Variants in PEX5L observed in about 807,000 individuals in gnomAD.
The protein encoded by PEX5L is PEX5-related protein.
A neutral mutation model predicts 84.0 loss-of-function variants in PEX5L; 30 were observed. The ratio of observed to expected loss-of-function variants is 0.36; its 90% CI spans 0.27 to 0.48. PEX5L has a LOEUF of 0.48. Among genes scored for constraint, PEX5L ranks in the 20% least tolerant of loss-of-function variants. The pLI is 0.99. For missense variants in PEX5L, 533 were observed against 754.6 expected (o/e 0.71, Z 3.44); for synonymous variants, 270 against 283.1 (o/e 0.95, Z 0.46).
intron 2 of PEX5L, among the ~76,000 whole-genome samples, chr3:179,915,768 T>C (rs1200967410): frequency 6.6e-6 from 1 of 152,204 alleles, no homozygotes; most frequent in East Asian, 1.9e-4. Context: ...ACTTCTTTAT[T>C]TGGTGTGTGA....
chr3:179,830,352 G>C (rs1197055723), intron 8 of PEX5L, among the ~76,000 whole-genome samples: 1 of 137,418 alleles, frequency 7.3e-6, no homozygotes, highest in Non-Finnish European at 1.5e-5. Flanking sequence ...GACAAAGTCT[G>C]GATCTGGCTT....
intron 8 of PEX5L, among the ~76,000 whole-genome samples, chr3:179,829,926 G>A (rs139760460): frequency 0.04 from 5,844 of 146,134 alleles, 421 homozygotes; most frequent in African/African-American, 0.14. Flanking sequence ...ACAGGAGCCT[G>A]CCACCAGGCC....
intron 5 of PEX5L, among the ~76,000 whole-genome samples, chr3:179,879,278 T>TAGA (rs1753433312): frequency 1.3e-5 from 2 of 152,154 alleles, no homozygotes; most frequent in Non-Finnish European, 1.5e-5. Context: ...TCAGAGGAGG[T>TAGA]AGAATACAGT....
intron 8 of PEX5L, among the ~76,000 whole-genome samples, chr3:179,856,767 C>A (rs563576034): frequency 6.6e-6 from 1 of 152,204 alleles, no homozygotes; most frequent in Non-Finnish European, 1.5e-5. Context: ...GGGAGGCTTC[C>A]CAGTACCAGG....
At chr3:179,811,367 A>G (rs751081211) in intron 11 of PEX5L, among the ~76,000 whole-genome samples, 1 of 152,176 alleles carries the variant, frequency 6.6e-6, no homozygotes, top group Non-Finnish European at 1.5e-5. Context: ...GGGTTTAAAT[A>G]GGAGCTCTAG....
intron 14 of PEX5L, among the ~76,000 whole-genome samples, chr3:179,807,435 G>C (rs1381762319): frequency 6.6e-6 from 1 of 152,164 alleles, no homozygotes; most frequent in Non-Finnish European, 1.5e-5. Flanking sequence ...CCAGGAATTG[G>C]GAATCTGCAT....
chr3:179,971,797 G>A (rs918348697), intron 1 of PEX5L, 132 bp from the exon 2 acceptor site: 1 of 884,388 alleles, frequency 1.1e-6, no homozygotes, highest in Admixed American at 3.8e-5. Flanking sequence ...TATATAAATT[G>A]CTCATGTACA....
chr3:180,001,707 C>T (rs970997560), intron 1 of PEX5L, among the ~76,000 whole-genome samples: 4 of 152,104 alleles, frequency 2.6e-5, no homozygotes, highest in African/African-American at 9.7e-5. Flanking sequence ...GTTTTATACA[C>T]ATATGCAACT....
At chr3:180,003,396 A>AAAAAAAG (rs1364698072) in intron 1 of PEX5L, among the ~76,000 whole-genome samples, 1 of 152,096 alleles carries the variant, frequency 6.6e-6, no homozygotes, top group East Asian at 1.9e-4. Flanking sequence ...AAAAAAAGAA[A>AAAAAAAG]AAAAAAGAAA....
In PEX5L at chr3:179,875,680, C is replaced by T. The variant is rs558620203; in HGVS notation, c.506-203G>A. Among the ~76,000 whole-genome samples the T allele has an allele frequency of 3.9e-5, 6 of 152,262 alleles. No individual in the cohort carries two copies. In the East Asian group the frequency reaches 1.2e-3, roughly 29 times the overall value. On this transcript the variant is annotated intron_variant, in intron 5 of 14. Transcript: ENST00000467460. The stretch of plus-strand genomic sequence containing the variant: ...ACCTTTATCTTTCCAATGTTGCATA[C>T]AAATTAAAACTTGTGCAGCTAAATA...
intron 14 of PEX5L, 137 bp downstream of exon 14, chr3:179,807,537 G>T: frequency 1.3e-6 from 1 of 749,718 alleles, no homozygotes; most frequent in Non-Finnish European, 2.2e-6. Context: ...GGATCTGAAG[G>T]CTCCACATTC....
At chr3:179,875,068 G>A (rs1022951303) in intron 6 of PEX5L, among the ~76,000 whole-genome samples, 5 of 151,834 alleles carry the variant, frequency 3.3e-5, no homozygotes, top group Admixed American at 1.3e-4. Context: ...GTATATACAC[G>A]TATACACCTA....
chr3:179,951,029 T>C (rs1401090588), intron 2 of PEX5L, among the ~76,000 whole-genome samples: 1 of 152,238 alleles, frequency 6.6e-6, no homozygotes, highest in Non-Finnish European at 1.5e-5. Context: ...ATGCATAGTC[T>C]GTTCTCTTTT....
At chr3:179,939,878 G>A (rs1285823373) in intron 2 of PEX5L, among the ~76,000 whole-genome samples, 10 of 152,078 alleles carry the variant, frequency 6.6e-5, no homozygotes, top group African/African-American at 1.9e-4. Context: ...AGGAAAGCCA[G>A]AGAAAAAATG....
intron 8 of PEX5L, among the ~76,000 whole-genome samples, chr3:179,829,254 T>C (rs186532932): frequency 1.3e-5 from 2 of 152,368 alleles, no homozygotes; most frequent in East Asian, 1.9e-4. Flanking sequence ...TGCCATACTA[T>C]AGTTGTTTTC....
In PEX5L at chr3:179,819,895, C is replaced by T. The variant is rs1486408321; in HGVS notation, c.904G>A (p.Ala302Thr). 1 of 1,613,946 alleles carries T rather than the reference C, an allele frequency of 6.2e-7. No homozygotes were observed. Among genetic ancestry groups the T allele is most frequent in the East Asian group, 2.2e-5 (1 of 44,874 alleles). Reference protein sequence around the residue: ...RRNWISENQEAQNQVTISASE... With the variant: ...RRNWISENQETQNQVTISASE... ...GCCGAGATGGTTACTTGGTTCTGGG[C>T]TTCTTGGTTCTCAGATATCCAGTTC... Residue 302 changes from alanine to threonine, a missense_variant, in exon 9 of 15, where the codon GCC becomes ACC. Physicochemically the swap from Ala to Thr is moderately conservative, Grantham distance 58. Around this residue, in one of 8 missense-constraint regions of PEX5L, gnomAD observed 58 missense variants for 56.4 expected, o/e 1.03. Transcript: ENST00000467460.
intron 2 of PEX5L, among the ~76,000 whole-genome samples, chr3:179,916,733 G>C (rs538181630): frequency 6.6e-6 from 1 of 152,224 alleles, no homozygotes; most frequent in Admixed American, 6.5e-5. Context: ...GCAGTGACAT[G>C]ATCTCGGCTC....
chr3:179,838,789 T>G (rs1420884123), intron 8 of PEX5L, among the ~76,000 whole-genome samples: 1 of 152,172 alleles, frequency 6.6e-6, no homozygotes, highest in African/African-American at 2.4e-5. Flanking sequence ...TAAGGAATTT[T>G]AAAAAGAAAT....
chr3:179,818,935 G>A (rs1458009231), intron 9 of PEX5L, among the ~76,000 whole-genome samples: 2 of 150,944 alleles, frequency 1.3e-5, no homozygotes, highest in African/African-American at 4.9e-5. Context: ...TTGACCTCCT[G>A]GGGTTGAAGT....
Sources: gnomAD v4.1 joint callset for allele counts (sites outside exome capture counted in the v4.1 genomes callset) on GRCh38, gnomAD v4.1.1 for gene constraint, gnomAD v4.1.1 regional missense constraint, MANE v1.5 for transcripts, NCBI Gene and HGNC (gene_info 2026-07-23, HGNC 2026-07-21) for gene names.